The following CDC42SE2 variants were observed in gnomAD, a reference collection of about 807,000 sequenced individuals.
CDC42SE2 encodes the protein CDC42 small effector 2.
CDC42SE2 carries 3 observed loss-of-function variants against 11.5 expected under a neutral mutation model. The ratio of observed to expected loss-of-function variants is 0.26; its 90% CI spans 0.12 to 0.67. The LOEUF is 0.67. Ranked by LOEUF, CDC42SE2 falls within the 30% of genes least tolerant of loss-of-function variation. The probability of loss-of-function intolerance (pLI) is 0.80; values close to 1 mark genes in which losing one functional copy is unlikely to be tolerated. For missense variants in CDC42SE2, 82 were observed against 106.8 expected, an observed-to-expected ratio of 0.77 and a Z score of 1.02; for synonymous variants, 33 against 34.8, an observed-to-expected ratio of 0.95 and a Z score of 0.18.
At chr5:131,342,360 A>T (rs1758730853) in intron 2 of CDC42SE2, among the ~76,000 whole-genome samples, 1 of 147,748 alleles carries the variant, frequency 6.8e-6, no homozygotes, top group African/African-American at 2.6e-5. Flanking sequence ...GGAGAGGCAC[A>T]GGTCAGAGAT....
chr5:131,339,305 G>C (rs1455576671), intron 2 of CDC42SE2, among the ~76,000 whole-genome samples: 2 of 147,228 alleles, frequency 1.4e-5, no homozygotes, highest in Non-Finnish European at 3.0e-5. Context: ...ACCTGGACTT[G>C]CACAGGAAAA....
intron 2 of CDC42SE2, among the ~76,000 whole-genome samples, chr5:131,350,637 G>GTATA (rs1554099787): frequency 0.033 from 4,888 of 147,648 alleles, 244 homozygotes; most frequent in African/African-American, 0.1. Context: ...GTGTGTGTGT[G>GTATA]TATATATATA....
At chr5:131,371,947 T>G (rs1210337819) in intron 3 of CDC42SE2, among the ~76,000 whole-genome samples, 2 of 152,228 alleles carry the variant, frequency 1.3e-5, no homozygotes, top group Non-Finnish European at 2.9e-5. Flanking sequence ...TATATTAACT[T>G]AATGAGAAAC....
intron 1 of CDC42SE2, among the ~76,000 whole-genome samples, chr5:131,277,803 C>G (rs1757134511): frequency 6.6e-6 from 1 of 152,188 alleles, no homozygotes. Context: ...CTCCCCATCA[C>G]TGTTTTAATT....
chr5:131,270,235 C>T (rs1276316691), intron 1 of CDC42SE2, among the ~76,000 whole-genome samples: 8 of 151,702 alleles, frequency 5.3e-5, no homozygotes, highest in Non-Finnish European at 4.4e-5. Flanking sequence ...ATTATCCGGG[C>T]GTGGTGGCAG....
intron 2 of CDC42SE2, among the ~76,000 whole-genome samples, chr5:131,334,173 AG>A (rs1365699754): frequency 6.6e-6 from 1 of 152,150 alleles, no homozygotes; most frequent in Non-Finnish European, 1.5e-5. Flanking sequence ...TTTAGCATGA[AG>A]GGTTGTTGAA....
intron 1 of CDC42SE2, among the ~76,000 whole-genome samples, chr5:131,282,711 C>T (rs1268126952): frequency 6.6e-6 from 1 of 152,062 alleles, no homozygotes; most frequent in Non-Finnish European, 1.5e-5. Context: ...TCACTGCAAG[C>T]TCCGCCTCCC....
chr5:131,380,673 T>C (rs1750294934), intron 3 of CDC42SE2, among the ~76,000 whole-genome samples: 1 of 152,192 alleles, frequency 6.6e-6, no homozygotes, highest in South Asian at 2.1e-4. Context: ...CATTTTCTTT[T>C]TCCTTCTTTT....
At chr5:131,312,615 G>A (rs977975127) in intron 1 of CDC42SE2, among the ~76,000 whole-genome samples, 3 of 152,182 alleles carry the variant, frequency 2.0e-5, no homozygotes, top group South Asian at 2.1e-4. Flanking sequence ...AGGACCCTCC[G>A]AGCCAGGCGC....
chr5:131,236,093 C>CTTT, the CDC42SE2 span, among the ~76,000 whole-genome samples: 1 of 152,072 alleles, frequency 6.6e-6, no homozygotes, highest in African/African-American at 2.4e-5. Context: ...GAATTGTTAG[C>CTTT]TTTTTTTCTT....
At chr5:131,307,250 T>G (rs2149720739) in intron 1 of CDC42SE2, among the ~76,000 whole-genome samples, 1 of 122,280 alleles carries the variant, frequency 8.2e-6, no homozygotes, top group Non-Finnish European at 1.6e-5. Flanking sequence ...CAGAGTGTGA[T>G]GTTCCCCTTC....
intron 2 of CDC42SE2, among the ~76,000 whole-genome samples, chr5:131,329,833 T>A (rs1018511165): frequency 7.0e-5 from 9 of 128,504 alleles, no homozygotes; most frequent in Non-Finnish European, 9.4e-5. Context: ...GAGCTGAGAT[T>A]GTGCCATTGC....
At chr5:131,276,093 A>G (rs1266292749) in intron 1 of CDC42SE2, among the ~76,000 whole-genome samples, 1 of 151,948 alleles carries the variant, frequency 6.6e-6, no homozygotes, top group Admixed American at 6.6e-5. Context: ...TCATTATGTC[A>G]AGACAAGATT....
intron 2 of CDC42SE2, among the ~76,000 whole-genome samples, chr5:131,352,973 T>G (rs897209037): frequency 3.3e-5 from 5 of 152,000 alleles, no homozygotes; most frequent in African/African-American, 1.2e-4. Flanking sequence ...TGCTCATTGT[T>G]AGTTTTTTTT....
At chr5:131,307,223 C>G (rs1041878754) in intron 1 of CDC42SE2, among the ~76,000 whole-genome samples, 37 of 121,786 alleles carry the variant, frequency 3.0e-4, no homozygotes, top group Non-Finnish European at 4.9e-4. Flanking sequence ...CCCCTCCCCC[C>G]ACCCGACAAC....
At chr5:131,292,240 CAAAAAAAAAAAAAAAA>C (rs1202956370) in intron 1 of CDC42SE2, among the ~76,000 whole-genome samples, 1 of 25,606 alleles carries the variant, frequency 3.9e-5, no homozygotes, top group Admixed American at 5.4e-4. Flanking sequence ...TCTGTCTCAC[CAAAAAAAAAAAAAAAA>C]AAAAAAAAAG....
chr5:131,293,321 C>T (rs1375470293), intron 1 of CDC42SE2, among the ~76,000 whole-genome samples: 2 of 151,862 alleles, frequency 1.3e-5, no homozygotes, highest in Non-Finnish European at 2.9e-5. Flanking sequence ...TCTGTAATCC[C>T]AGCACTTTGG....
the CDC42SE2 span, among the ~76,000 whole-genome samples, chr5:131,220,551 C>T: frequency 6.6e-6 from 1 of 152,136 alleles, no homozygotes; most frequent in African/African-American, 2.4e-5. Context: ...TTTTCATCTG[C>T]AGCATCATAG....
At chr5:131,233,404 G>A in the CDC42SE2 span, among the ~76,000 whole-genome samples, 1 of 152,150 alleles carries the variant, frequency 6.6e-6, no homozygotes, top group African/African-American at 2.4e-5. Context: ...GATTCTCACT[G>A]TCACCCAGGC....
Sources: gnomAD v4.1 joint callset for allele counts (sites outside exome capture counted in the v4.1 genomes callset) on GRCh38, gnomAD v4.1.1 for gene constraint, MANE v1.5 for transcripts, NCBI Gene and HGNC (gene_info 2026-07-23, HGNC 2026-07-21) for gene names.